UQCRB: variants seen among roughly 807,000 people sequenced by gnomAD.
UQCRB encodes ubiquinol-cytochrome c reductase binding protein.
Under a neutral mutation model 19.8 loss-of-function variants are expected in UQCRB, and 12 were observed. The observed-to-expected ratio is 0.61, with a 90% CI of 0.39 to 0.98. The LOEUF is 0.98. UQCRB is among the 50% of genes least tolerant of loss of function. The pLI is 0.00. For missense variants in UQCRB, 142 were observed against 131.8 expected (o/e 1.08, Z -0.38); for synonymous variants, 39 against 42.9 (o/e 0.91, Z 0.35).
chr8:96,231,420 T>G, intron 3 of UQCRB: 1 of 1,536,596 alleles, frequency 6.5e-7, no homozygotes, highest in Non-Finnish European at 8.7e-7. Flanking sequence ...GAGAGTTTGC[T>G]TCACAGAAGC....
chr8:96,227,266 A>G lies in UQCRB; in HGVS notation c.*3789T>C. The G allele has an allele frequency of 2.2e-6, 1 of 454,134 alleles. No individual in the cohort carries two copies. Among genetic ancestry groups the G allele is most frequent in the South Asian group, 1.6e-5 (1 of 64,480 alleles). The allele number at this position is 454,134 out of a possible 1,614,324, so 28.1% of individuals were successfully genotyped here. A position where few individuals can be genotyped will look rare whatever the true frequency, so the allele number is the denominator to read the frequency against. ...TCATTACATCAGTATATAGCTTAGT[A>G]GTAAATTCTCCTGATGGCCATAAAC... On this transcript the variant is annotated 3_prime_UTR_variant, in exon 4 of 4. Transcript: ENST00000287022.
At position 96,230,674 on chromosome 8, in the gene UQCRB, C is replaced by T. The variant is rs1181708283; in HGVS notation, c.*381G>A. On this transcript the variant is annotated 3_prime_UTR_variant, in exon 4 of 4. Coordinates refer to ENST00000287022, the MANE Select transcript of UQCRB (RefSeq NM_006294.5). ...ATCTGTTTGCATACCAGTGAAGAGG[C>T]TATTTCTCAATCTTGGCAAACTAGG... 8.6e-6 allele frequency: 4 copies of T among 466,510 alleles called. No individual in the cohort carries two copies. The highest frequency in any genetic ancestry group is 6.5e-4 in the Middle Eastern group (1 of 1,548). 28.9% of individuals were successfully genotyped at this position (466,510 alleles called of 1,614,324 possible).
In UQCRB at chr8:96,234,493, C is replaced by T. The variant is rs111956319; in HGVS notation, c.19+1019G>A. The T allele has an allele frequency of 2.0e-3, 2,566 of 1,288,850 alleles. 44 individuals are homozygous for T. The African/African-American group carries it at 0.036, about 18-fold the overall frequency. 79.8% of individuals were successfully genotyped at this position (1,288,850 alleles called of 1,614,324 possible). On this transcript the variant is annotated intron_variant, in intron 1 of 3. Transcript: ENST00000287022. ...ATCTGGTCTATGTAGTTCCCAAACA[C>T]GCACAGAAGCAGTGTCTTGAATTTA... is the stretch of plus-strand genomic sequence containing the variant.
Position 96,229,831 on chromosome 8 carries a change from A to G in UQCRB, c.*1224T>C, listed in dbSNP as rs1247055547. ...GAGGCTAATATTTTAGCAAAAATTT[A>G]AAGATGCTCTTTATGATACACACAT... is the stretch of plus-strand genomic sequence containing the variant. On this transcript the variant is annotated 3_prime_UTR_variant, in exon 4 of 4. Transcript: ENST00000287022. 1 of 453,914 alleles carries G rather than the reference A, an allele frequency of 2.2e-6. No homozygotes were observed. Among genetic ancestry groups the G allele is most frequent in the Admixed American group, 2.4e-5 (1 of 42,536 alleles). The allele number at this position is 453,914 out of a possible 1,614,324, so 28.1% of individuals were successfully genotyped here. A position where few individuals can be genotyped will look rare whatever the true frequency, so the allele number is the denominator to read the frequency against.
In UQCRB at chr8:96,228,947, T is replaced by C. The variant is rs138086343; in HGVS notation, c.*2108A>G. 1.6e-4 allele frequency: 73 copies of C among 454,098 alleles called. No homozygotes were observed. The East Asian group carries it at 4.7e-3, about 29-fold the overall frequency. The allele number at this position is 454,098 out of a possible 1,614,324, so 28.1% of individuals were successfully genotyped here. ...TTCCACACAGGACGGCTTTTGATAA[T>C]AGAAAGGCCCTCTCTTTCAAATGAA... On this transcript the variant is annotated 3_prime_UTR_variant, in exon 4 of 4. Transcript: ENST00000287022.
intron 1 of UQCRB, chr8:96,235,237 T>G: frequency 3.4e-6 from 2 of 591,254 alleles, no homozygotes; most frequent in South Asian, 2.0e-5. Flanking sequence ...GGGGAAGGAC[T>G]TCCAAGCACG....
At chr8:96,234,801 G>T in intron 1 of UQCRB, 1 of 202,786 alleles carries the variant, frequency 4.9e-6, no homozygotes, top group Non-Finnish European at 1.0e-5. Flanking sequence ...AAACAAAACG[G>T]CTACTCCAAC....
rs1424556451 is a variant in UQCRB at position 96,230,110 on chromosome 8, A to G, written c.*945T>C. 2.2e-6 allele frequency: 1 copy of G among 454,016 alleles called. No homozygotes were observed. Among genetic ancestry groups the G allele is most frequent in the Admixed American group, 2.4e-5 (1 of 42,552 alleles). 28.1% of individuals were successfully genotyped at this position (454,016 alleles called of 1,614,324 possible). ...CCTAATTTTTTTTTTGAGACAGTCAATGTCGCTCAGGCTGAAGTGCAGTGG... is the reference window on the plus strand; with the variant it reads ...CCTAATTTTTTTTTTGAGACAGTCAGTGTCGCTCAGGCTGAAGTGCAGTGG... On this transcript the variant is annotated 3_prime_UTR_variant, in exon 4 of 4. Transcript: ENST00000287022.
intron 1 of UQCRB, 80 bp downstream of exon 1, chr8:96,235,432 G>A: frequency 1.3e-6 from 2 of 1,599,532 alleles, no homozygotes; most frequent in Non-Finnish European, 1.7e-6. Context: ...TTACAAAGAA[G>A]AGAGAAAACG....
chr8:96,235,455 G>A, intron 1 of UQCRB, 57 bp downstream of exon 1: 3 of 1,613,506 alleles, frequency 1.9e-6, no homozygotes, highest in East Asian at 2.2e-5. Flanking sequence ...GCAAGCTGCA[G>A]CAAAAATAAA....
At position 96,228,904 on chromosome 8, in the gene UQCRB, G is replaced by A; in HGVS notation, c.*2151C>T. On this transcript the variant is annotated 3_prime_UTR_variant, in exon 4 of 4. Transcript: ENST00000287022. ...GACAATGCAGAGTGCCTGTGTTTCA[G>A]GCACTCTCATGGTGATTTTCCACAC... 2.2e-6 allele frequency: 1 copy of A among 454,038 alleles called. No homozygotes were observed. Among genetic ancestry groups the A allele is most frequent in the Non-Finnish European group, 4.4e-6 (1 of 226,776 alleles). The allele number at this position is 454,038 out of a possible 1,614,324, so 28.1% of individuals were successfully genotyped here.
chr8:96,230,868 G>GA lies in UQCRB; in HGVS notation c.*186dup, dbSNP rs756514881. The GA allele has an allele frequency of 9.9e-5, 75 of 753,866 alleles. 1 individual carries two copies. The highest frequency in any genetic ancestry group is 8.0e-4 in the Admixed American group (40 of 49,734). 46.7% of individuals were successfully genotyped at this position (753,866 alleles called of 1,614,324 possible). Reference sequence around the variant, plus strand: ...CAACTAAATATATCTTGAAAGTTTGGAAAAAAATTTAACAGTAAAGGGATT... The same window carrying GA: ...CAACTAAATATATCTTGAAAGTTTGGAAAAAAAATTTAACAGTAAAGGGATT... On this transcript the variant is annotated 3_prime_UTR_variant, in exon 4 of 4. Coordinates refer to ENST00000287022, the MANE Select transcript of UQCRB (RefSeq NM_006294.5).
rs185708069 is a variant in UQCRB at position 96,224,331 on chromosome 8, G to A, written c.*6724C>T. On this transcript the variant is annotated 3_prime_UTR_variant, in exon 4 of 4. Coordinates refer to ENST00000287022, the MANE Select transcript of UQCRB (RefSeq NM_006294.5). Reference sequence around the variant, plus strand: ...GCTGTAGCTTTCTTCAGAGGAACGTGGGCTGGGGAATAAATATCTCTGTCT... The same window carrying A: ...GCTGTAGCTTTCTTCAGAGGAACGTAGGCTGGGGAATAAATATCTCTGTCT... Among the ~76,000 whole-genome samples, 2 of 152,288 alleles carry A rather than the reference G, an allele frequency of 1.3e-5. No individual in the cohort carries two copies. The highest frequency in any genetic ancestry group is 3.9e-4 in the East Asian group (2 of 5,172).
rs1235553747 is a variant in UQCRB at position 96,224,614 on chromosome 8, C to A, written c.*6441G>T. 6.6e-6 allele frequency among the ~76,000 whole-genome samples: 1 copy of A among 152,174 alleles called. No individual in the cohort carries two copies. The highest frequency in any genetic ancestry group is 1.5e-5 in the Non-Finnish European group (1 of 68,032). Reference sequence around the variant, plus strand: ...CCTCAACAGACCCGTGTTTGTGGAGCCCCTCCGGACCTCTCTCTTTTACCC... The same window carrying A: ...CCTCAACAGACCCGTGTTTGTGGAGACCCTCCGGACCTCTCTCTTTTACCC... On this transcript the variant is annotated 3_prime_UTR_variant, in exon 4 of 4. Transcript: ENST00000287022.
chr8:96,225,811 C>A lies in UQCRB; in HGVS notation c.*5244G>T, dbSNP rs927683244. 1 of 152,074 alleles carries A rather than the reference C, an allele frequency of 6.6e-6. No individual in the cohort carries two copies. The highest frequency in any genetic ancestry group is 1.5e-5 in the Non-Finnish European group (1 of 68,010). The allele number at this position is 152,074 out of a possible 1,614,324, so 9.4% of individuals were successfully genotyped here. A position where few individuals can be genotyped will look rare whatever the true frequency, so the allele number is the denominator to read the frequency against. On this transcript the variant is annotated 3_prime_UTR_variant, in exon 4 of 4. Transcript: ENST00000287022. Reference sequence around the variant, plus strand: ...GTACATATTTTTTGTGGACAATTCACACAGTATGTACATCTATGTTTACAT... The same window carrying A: ...GTACATATTTTTTGTGGACAATTCAAACAGTATGTACATCTATGTTTACAT...
chr8:96,229,146 A>AT lies in UQCRB; in HGVS notation c.*1908dup. 2.2e-6 allele frequency: 1 copy of AT among 454,156 alleles called. No homozygotes were observed. Among genetic ancestry groups the AT allele is most frequent in the South Asian group, 1.6e-5 (1 of 64,474 alleles). The allele number at this position is 454,156 out of a possible 1,614,324, so 28.1% of individuals were successfully genotyped here. ...TGCACACTTGTTCTCATTTAGAAGA[A>AT]TGAAGTAATCTGGAAACATAGAATA... On this transcript the variant is annotated 3_prime_UTR_variant, in exon 4 of 4. Coordinates refer to ENST00000287022, the MANE Select transcript of UQCRB (RefSeq NM_006294.5).
At chr8:96,235,196 C>G in intron 1 of UQCRB, 1 of 530,556 alleles carries the variant, frequency 1.9e-6, no homozygotes, top group Non-Finnish European at 3.4e-6. Context: ...ACTAGTTATC[C>G]TCTTGTGCCC....
chr8:96,229,503 G>C lies in UQCRB; in HGVS notation c.*1552C>G. 2 of 454,104 alleles carry C rather than the reference G, an allele frequency of 4.4e-6. No homozygotes were observed. The highest frequency in any genetic ancestry group is 3.1e-5 in the South Asian group (2 of 64,482). 28.1% of individuals were successfully genotyped at this position (454,104 alleles called of 1,614,324 possible). On this transcript the variant is annotated 3_prime_UTR_variant, in exon 4 of 4. Coordinates refer to ENST00000287022, the MANE Select transcript of UQCRB (RefSeq NM_006294.5). ...GTCTGAACGAATAGACCAGAGTCCT[G>C]CAAACGTGATCTTGAAATCACTATT...
intron 2 of UQCRB, 156 bp downstream of exon 2, chr8:96,233,000 T>A (rs1809711304): frequency 1.5e-6 from 1 of 672,628 alleles, no homozygotes; most frequent in East Asian, 2.7e-5. Context: ...TTTAACATAA[T>A]GTGATTTAAT....
Sources: allele counts gnomAD v4.1 joint callset (sites outside exome capture counted in the v4.1 genomes callset), GRCh38; gene constraint gnomAD v4.1.1; transcripts MANE v1.5; gene names NCBI Gene and HGNC (gene_info 2026-07-23, HGNC 2026-07-21).